The following ASAP1 variants were observed in gnomAD, a reference collection of about 807,000 sequenced individuals.
The protein encoded by ASAP1 is arf-GAP with SH3 domain, ANK repeat and PH domain-containing protein 1.
A neutral mutation model predicts 145.2 loss-of-function variants in ASAP1; 43 were observed. The observed-to-expected ratio is 0.30, with a 90% CI of 0.23 to 0.38. The LOEUF (loss-of-function observed/expected upper bound fraction) is 0.38, where lower values mean the gene tolerates loss of function less well. Among genes scored for constraint, ASAP1 ranks in the 10% least tolerant of loss-of-function variants. The pLI is 1.00. For missense variants in ASAP1, 1,018 were observed against 1,355.3 expected, an observed-to-expected ratio of 0.75 and a Z score of 3.91; for synonymous variants, 546 against 515.5, an observed-to-expected ratio of 1.06 and a Z score of -0.80.
intron 3 of ASAP1, among the ~76,000 whole-genome samples, chr8:130,309,574 T>C (rs927349445): frequency 1.3e-5 from 2 of 152,186 alleles, no homozygotes; most frequent in Non-Finnish European, 2.9e-5. Context: ...AGGACGGCCT[T>C]GTGGGCTGCA....
intron 1 of ASAP1, among the ~76,000 whole-genome samples, chr8:130,434,345 A>G (rs1830234769): frequency 1.3e-5 from 2 of 152,108 alleles, no homozygotes. Flanking sequence ...AAAAAAGAAA[A>G]AAAAAATCTT....
intron 3 of ASAP1, among the ~76,000 whole-genome samples, chr8:130,338,130 T>C (rs915359233): frequency 2.0e-5 from 3 of 152,192 alleles, no homozygotes; most frequent in African/African-American, 7.2e-5. Flanking sequence ...CATGCATTCG[T>C]TCACCTCACC....
intron 27 of ASAP1, among the ~76,000 whole-genome samples, chr8:130,071,960 T>G (rs978969505): frequency 6.6e-6 from 1 of 152,218 alleles, no homozygotes; most frequent in Non-Finnish European, 1.5e-5. Context: ...TATAGTCATC[T>G]GTTATTATGT....
chr8:130,140,205 T>C (rs2097607075), intron 13 of ASAP1, among the ~76,000 whole-genome samples: 2 of 149,540 alleles, frequency 1.3e-5, no homozygotes, highest in South Asian at 2.1e-4. Flanking sequence ...GTTATTACTA[T>C]TTTTTTTTGG....
chr8:130,246,268 C>T lies in ASAP1; in HGVS notation c.187-9274G>A, dbSNP rs569089372. Among the ~76,000 whole-genome samples the T allele has an allele frequency of 4.6e-5, 7 of 152,152 alleles. 1 individual carries two copies. The South Asian group carries it at 1.5e-3, about 32-fold the overall frequency. ...TATGGGCCTCCTATCATATCAACAACCTTTTCATTAAACCACTCTGCCTTT... is the reference window on the plus strand; with the variant it reads ...TATGGGCCTCCTATCATATCAACAATCTTTTCATTAAACCACTCTGCCTTT... On this transcript the variant is annotated intron_variant, in intron 3 of 29. Coordinates refer to ENST00000518721, the MANE Select transcript of ASAP1 (RefSeq NM_018482.4).
At chr8:130,420,861 C>A (rs1441439783) in intron 1 of ASAP1, among the ~76,000 whole-genome samples, 1 of 151,352 alleles carries the variant, frequency 6.6e-6, no homozygotes, top group Non-Finnish European at 1.5e-5. Context: ...CCACTGCACT[C>A]CAGCCTGGGC....
At chr8:130,291,115 G>A (rs1361668416) in intron 3 of ASAP1, among the ~76,000 whole-genome samples, 1 of 152,122 alleles carries the variant, frequency 6.6e-6, no homozygotes, top group Non-Finnish European at 1.5e-5. Flanking sequence ...TCAGATTCTT[G>A]TATATATTCA....
At chr8:130,299,151 C>T (rs772782631) in intron 3 of ASAP1, among the ~76,000 whole-genome samples, 19 of 152,078 alleles carry the variant, frequency 1.2e-4, no homozygotes, top group Non-Finnish European at 2.5e-4. Context: ...TGCAGGTCTG[C>T]CCAGAGGCTA....
intron 5 of ASAP1, chr8:130,208,648 T>C (rs185418039): frequency 5.9e-5 from 9 of 152,318 alleles, no homozygotes; most frequent in African/African-American, 9.6e-5. Context: ...TCTTCGATCA[T>C]CTTCCTGCCC....
At chr8:130,124,291 G>A (rs1193420173) in intron 17 of ASAP1, among the ~76,000 whole-genome samples, 187 bp from the exon 18 acceptor site, 1 of 152,200 alleles carries the variant, frequency 6.6e-6, no homozygotes, top group Non-Finnish European at 1.5e-5. Context: ...ACCAAACTAA[G>A]TGCTGGAAAT....
At chr8:130,208,031 T>G (rs1816335787) in intron 5 of ASAP1, among the ~76,000 whole-genome samples, 1 of 152,186 alleles carries the variant, frequency 6.6e-6, no homozygotes, top group African/African-American at 2.4e-5. Context: ...ACTAAACACT[T>G]TCCCCTACTT....
intron 18 of ASAP1, among the ~76,000 whole-genome samples, 163 bp downstream of exon 18, chr8:130,123,850 G>C (rs1424185744): frequency 6.6e-6 from 1 of 151,378 alleles, no homozygotes; most frequent in East Asian, 2.0e-4. Context: ...GGATGGTCTT[G>C]ATCTCCTGAC....
chr8:130,391,770 A>AAT (rs1828295866), intron 2 of ASAP1, among the ~76,000 whole-genome samples: 1 of 152,248 alleles, frequency 6.6e-6, no homozygotes, highest in Admixed American at 6.5e-5. Flanking sequence ...ATGTATTCTT[A>AAT]GATAGCACAT....
intron 4 of ASAP1, among the ~76,000 whole-genome samples, chr8:130,227,994 G>C (rs1817684496): frequency 6.6e-6 from 1 of 152,168 alleles, no homozygotes; most frequent in Admixed American, 6.5e-5. Flanking sequence ...CTTTGGATCA[G>C]TTGCTAGGGA....
chr8:130,196,342 CAA>C (rs11421234), intron 5 of ASAP1, among the ~76,000 whole-genome samples: 23 of 131,120 alleles, frequency 1.8e-4, no homozygotes, highest in Non-Finnish European at 1.3e-4. Context: ...AACTCCATCT[CAA>C]AAAAAAAAAA....
Position 130,097,126 on chromosome 8 carries a change from CAAAAAAAAAAAAAAAAA to C in ASAP1, c.2402-5000_2402-4984del, listed in dbSNP as rs61591724. Among the ~76,000 whole-genome samples the C allele has an allele frequency of 3.0e-4, 16 of 53,594 alleles. No individual in the cohort carries two copies. The South Asian group carries it at 3.7e-3, about 12-fold the overall frequency. The allele number at this position is 53,594 out of a possible 152,430, so 35.2% of individuals were successfully genotyped here. On this transcript the variant is annotated intron_variant, in intron 24 of 29. Coordinates refer to ENST00000518721, the MANE Select transcript of ASAP1 (RefSeq NM_018482.4). The stretch of plus-strand genomic sequence containing the variant: ...AGGAGACAGAGTGACAGTTAGTCTC[CAAAAAAAAAAAAAAAAA>C]AAAAAAAAAAAAAAAAAAGTCCTTG...
At chr8:130,169,529 T>C (rs953728878) in intron 9 of ASAP1, among the ~76,000 whole-genome samples, 9 of 152,216 alleles carry the variant, frequency 5.9e-5, no homozygotes, top group African/African-American at 2.2e-4. Flanking sequence ...AAAGTCAAAA[T>C]TCATTCAGTT....
chr8:130,262,584 TA>T (rs1820002853), intron 3 of ASAP1, among the ~76,000 whole-genome samples: 1 of 152,042 alleles, frequency 6.6e-6, no homozygotes, highest in South Asian at 2.1e-4. Flanking sequence ...CTGGAATTCC[TA>T]GCTCCTCAAA....
intron 8 of ASAP1, 58 bp downstream of exon 8, chr8:130,180,693 C>A: frequency 6.4e-7 from 1 of 1,565,050 alleles, no homozygotes; most frequent in South Asian, 1.2e-5. Context: ...TGCTGACTAG[C>A]AGGAAAAGAT....
Sources: gnomAD v4.1 joint callset for allele counts (sites outside exome capture counted in the v4.1 genomes callset) on GRCh38, gnomAD v4.1.1 for gene constraint, MANE v1.5 for transcripts, NCBI Gene and HGNC (gene_info 2026-07-23, HGNC 2026-07-21) for gene names.